HEATR3: variants seen among roughly 807,000 people sequenced by gnomAD.
HEATR3 encodes HEAT repeat containing 3, also known as HEAT repeat-containing protein 3.
A neutral mutation model predicts 72.8 loss-of-function variants in HEATR3; 56 were observed. The ratio of observed to expected loss-of-function variants is 0.77; its 90% CI spans 0.62 to 0.96. The LOEUF (loss-of-function observed/expected upper bound fraction) is 0.96. Ranked by LOEUF, HEATR3 falls within the 40% of genes least tolerant of loss-of-function variation. The pLI, the probability that HEATR3 is intolerant of heterozygous loss-of-function variation, is 0.00. For missense variants in HEATR3, 747 were observed against 831.4 expected (o/e 0.90, Z 1.25); for synonymous variants, 331 against 318.1 (o/e 1.04, Z -0.43).
Position 50,066,445 on chromosome 16 carries a change from C to T in HEATR3, c.217C>T (p.Pro73Ser), listed in dbSNP as rs750960594. 1.4e-6 allele frequency: 2 copies of T among 1,412,400 alleles called. No individual in the cohort carries two copies. The highest frequency in any genetic ancestry group is 3.4e-5 in the Admixed American group (1 of 29,110). 87.5% of individuals were successfully genotyped at this position (1,412,400 alleles called of 1,614,324 possible). A position where few individuals can be genotyped will look rare whatever the true frequency, so the allele number is the denominator to read the frequency against. The change falls in exon 2 of 15, where the codon CCG becomes TCG. Residue 73 changes from proline (P) to serine (S), a missense_variant. Transcript: ENST00000299192. Reference protein sequence around the residue: ...ARLVQQRPALPGLARRDAVRR... With the variant: ...ARLVQQRPALSGLARRDAVRR... The stretch of plus-strand genomic sequence containing the variant: ...GCTGGTGCAGCAGCGGCCGGCACTC[C>T]CGGGCCTGGCGCGACGAGACGCCGT...
chr16:50,071,781 A>T (rs2036617775), intron 4 of HEATR3, among the ~76,000 whole-genome samples: 2 of 151,424 alleles, frequency 1.3e-5, no homozygotes, highest in African/African-American at 2.4e-5. Flanking sequence ...TTAGCGTGTC[A>T]TGTGTGTATG....
intron 3 of HEATR3, among the ~76,000 whole-genome samples, 194 bp downstream of exon 3, chr16:50,069,061 G>A (rs2036557615): frequency 6.6e-6 from 1 of 152,102 alleles, no homozygotes. Context: ...TTTTATGATA[G>A]TTGGAAAAGA....
intron 10 of HEATR3, among the ~76,000 whole-genome samples, chr16:50,085,345 G>T (rs2150611334): frequency 6.6e-6 from 1 of 152,098 alleles, no homozygotes; most frequent in Middle Eastern, 3.2e-3. Flanking sequence ...ATAATTTTAG[G>T]CTGGGCATGG....
chr16:50,077,716 T>C (rs1392696542), intron 6 of HEATR3, among the ~76,000 whole-genome samples: 2 of 152,156 alleles, frequency 1.3e-5, no homozygotes, highest in Non-Finnish European at 1.5e-5. Context: ...GGTTCATCCA[T>C]GTTGTAGCAT....
At chr16:50,095,469 TCA>T (rs2037214804) in intron 12 of HEATR3, among the ~76,000 whole-genome samples, 1 of 150,464 alleles carries the variant, frequency 6.6e-6, no homozygotes, top group African/African-American at 2.4e-5. Flanking sequence ...TCCTGACCCT[TCA>T]CAGCAATCCA....
At chr16:50,078,259 TA>T (rs957807281) in intron 6 of HEATR3, among the ~76,000 whole-genome samples, 4 of 151,566 alleles carry the variant, frequency 2.6e-5, no homozygotes, top group East Asian at 1.9e-4. Flanking sequence ...TGTAGTAACT[TA>T]AAAAAAAATT....
chr16:50,078,659 A>G, intron 6 of HEATR3, 82 bp from the exon 7 acceptor site: 1 of 1,391,872 alleles, frequency 7.2e-7, no homozygotes, highest in Admixed American at 2.5e-5. Context: ...CACTGGCCTT[A>G]AAAGCTCCAG....
chr16:50,104,213 A>C (rs2037430161), intron 14 of HEATR3, among the ~76,000 whole-genome samples: 1 of 152,020 alleles, frequency 6.6e-6, no homozygotes, highest in Non-Finnish European at 1.5e-5. Flanking sequence ...TTACTCCAGC[A>C]TGGTAGTGCG....
intron 5 of HEATR3, chr16:50,073,941 T>A (rs1287084638): frequency 6.6e-6 from 1 of 152,232 alleles, no homozygotes; most frequent in Non-Finnish European, 1.5e-5. Flanking sequence ...AATGAACTTA[T>A]AAGATTCCAT....
chr16:50,101,169 T>C (rs547342410), intron 13 of HEATR3, among the ~76,000 whole-genome samples: 1 of 151,642 alleles, frequency 6.6e-6, no homozygotes, highest in East Asian at 1.9e-4. Context: ...AGTACAGTAG[T>C]GCAGTAGTGT....
rs955067617 is a variant in HEATR3 at position 50,070,107 on chromosome 16, A to G, written c.400-71A>G. Reference sequence around the variant, plus strand: ...TTCTGATGTCTAGCCTTTGTGTTTCATCACCATCATTACCCTATTTGTTTA... The same window carrying G: ...TTCTGATGTCTAGCCTTTGTGTTTCGTCACCATCATTACCCTATTTGTTTA... On this transcript the variant is annotated intron_variant, in intron 3 of 14. Transcript: ENST00000299192. 5 of 678,436 alleles carry G rather than the reference A, an allele frequency of 7.4e-6. No homozygotes were observed. The African/African-American group carries it at 7.4e-5, about 10-fold the overall frequency. 42.0% of individuals were successfully genotyped at this position (678,436 alleles called of 1,614,324 possible).
At chr16:50,088,974 T>A (rs1027314775) in intron 11 of HEATR3, among the ~76,000 whole-genome samples, 3 of 152,156 alleles carry the variant, frequency 2.0e-5, no homozygotes, top group Non-Finnish European at 2.9e-5. Flanking sequence ...AGAGGTTATT[T>A]CACTTGAAAC....
chr16:50,074,164 A>T (rs2036671876), intron 5 of HEATR3: 2 of 152,196 alleles, frequency 1.3e-5, no homozygotes, highest in African/African-American at 4.8e-5. Flanking sequence ...AATATTTTAC[A>T]CATCTCTTAA....
intron 13 of HEATR3, chr16:50,100,696 G>A (rs749978890): frequency 6.4e-6 from 2 of 313,006 alleles, no homozygotes; most frequent in East Asian, 9.9e-5. Context: ...TGCATCCAAT[G>A]TATGCATGTT....
intron 14 of HEATR3, among the ~76,000 whole-genome samples, chr16:50,103,204 G>T (rs921089140): frequency 6.6e-6 from 1 of 152,218 alleles, no homozygotes. Context: ...GCAGAAGCAG[G>T]TGCTTAAAAA....
At chr16:50,093,216 C>T (rs1179957696) in intron 11 of HEATR3, among the ~76,000 whole-genome samples, 1 of 152,144 alleles carries the variant, frequency 6.6e-6, no homozygotes, top group African/African-American at 2.4e-5. Flanking sequence ...AGTGGGGGAT[C>T]GGAATGGTAT....
At chr16:50,072,853 T>C in intron 5 of HEATR3, 139 bp downstream of exon 5, 2 of 636,812 alleles carry the variant, frequency 3.1e-6, no homozygotes, top group Non-Finnish European at 5.7e-6. Flanking sequence ...ACCTGTTTTT[T>C]CTGGGTCTTA....
In HEATR3 at chr16:50,090,749, T is replaced by C. The variant is rs565717080; in HGVS notation, c.1511-3956T>C. 6.2e-4 allele frequency among the ~76,000 whole-genome samples: 95 copies of C among 152,362 alleles called. 1 individual carries two copies. Among genetic ancestry groups the C allele is most frequent in the African/African-American group, 2.2e-3 (92 of 41,586 alleles). On this transcript the variant is annotated intron_variant, in intron 11 of 14. Coordinates refer to ENST00000299192, the MANE Select transcript of HEATR3 (RefSeq NM_182922.4). ...CCGAAATCATTTAGGATTCTCTGTTTTTCCAGATTTTGAGAATCAGAACGT... is the reference window on the plus strand; with the variant it reads ...CCGAAATCATTTAGGATTCTCTGTTCTTCCAGATTTTGAGAATCAGAACGT...
At chr16:50,094,985 A>C (rs1209024858) in intron 12 of HEATR3, among the ~76,000 whole-genome samples, 192 bp downstream of exon 12, 4 of 152,214 alleles carry the variant, frequency 2.6e-5, no homozygotes, top group Non-Finnish European at 4.4e-5. Flanking sequence ...AGCAACACAC[A>C]GGTGCTTTTA....
Sources: gnomAD v4.1 joint callset for allele counts (sites outside exome capture counted in the v4.1 genomes callset) on GRCh38, gnomAD v4.1.1 for gene constraint, MANE v1.5 for transcripts, NCBI Gene and HGNC (gene_info 2026-07-23, HGNC 2026-07-21) for gene names.